The following LRRC9 variants were observed in gnomAD, a reference collection of about 807,000 sequenced individuals.
The protein encoded by LRRC9 is leucine rich repeat containing 9.
In LRRC9, 122 loss-of-function variants were observed where a neutral mutation model predicts 63.2. The ratio of observed to expected loss-of-function variants is 1.93; its 90% CI spans 1.67 to 2.24. The LOEUF (loss-of-function observed/expected upper bound fraction) is 2.24. LRRC9 is among the 30% of genes most tolerant of loss of function. The pLI is 0.00. For synonymous variants in LRRC9, 366 were observed against 213.1 expected (o/e 1.72, Z -6.25); for missense variants, 1,071 against 627.7 (o/e 1.71, Z -7.55).
intron 17 of LRRC9, among the ~76,000 whole-genome samples, chr14:59,988,961 T>C (rs745393142): frequency 3.9e-5 from 6 of 152,152 alleles, no homozygotes; most frequent in Admixed American, 2.0e-4. Context: ...GCATCTTAAA[T>C]GTTACTTCAT....
rs1021076722 is a variant in LRRC9 at position 59,923,168 on chromosome 14, G to C, written c.-34+3285G>C. 2.0e-5 allele frequency among the ~76,000 whole-genome samples: 3 copies of C among 152,154 alleles called. No homozygotes were observed. The highest frequency in any genetic ancestry group is 2.0e-4 in the Admixed American group (3 of 15,278). On this transcript the variant is annotated intron_variant, in intron 1 of 31. Coordinates refer to ENST00000445360, the Ensembl canonical transcript of LRRC9. This position sits in a 1 kb window ranked among gnomAD's most constrained non-coding sequence, Gnocchi z 4.2. ...ACCCTTGAGTCCATTTGTGACTGGAGAAAACATACAAGACTTGTAAGTACC... is the reference window on the plus strand; with the variant it reads ...ACCCTTGAGTCCATTTGTGACTGGACAAAACATACAAGACTTGTAAGTACC...
At chr14:60,057,384 T>C (rs1189738728) in intron 30 of LRRC9, among the ~76,000 whole-genome samples, 1 of 152,136 alleles carries the variant, frequency 6.6e-6, no homozygotes. Flanking sequence ...TATTATAAGA[T>C]GCTTTTCTTA....
At position 60,050,332 on chromosome 14, in the gene LRRC9, G is replaced by A. The variant is rs545353735; in HGVS notation, c.3991-2733G>A. Among the ~76,000 whole-genome samples, 24 of 152,246 alleles carry A rather than the reference G, an allele frequency of 1.6e-4. 1 individual carries two copies. In the South Asian group the frequency reaches 4.8e-3, roughly 30 times the overall value. ...CAGAAAGATAGCCTTCAACCTCTGA[G>A]ATCCTTTCACTGCCTGGTCTATTCT... On this transcript the variant is annotated intron_variant, in intron 29 of 31. Transcript: ENST00000445360.
chr14:60,050,794 G>A (rs1893830062), intron 29 of LRRC9, among the ~76,000 whole-genome samples: 1 of 152,048 alleles, frequency 6.6e-6, no homozygotes, highest in Non-Finnish European at 1.5e-5. Context: ...CTGTTTGTTT[G>A]TTCTTAACAA....
intron 30 of LRRC9, 187 bp from the exon 31 acceptor site, chr14:60,057,691 G>T: frequency 2.5e-6 from 1 of 394,960 alleles, no homozygotes; most frequent in East Asian, 3.6e-5. Context: ...TCTGAGGGAG[G>T]TTAACTCCCC....
At chr14:59,974,586 A>G (rs1057169931) in exon 13 of LRRC9, 9 of 647,600 alleles carry the variant, frequency 1.4e-5, no homozygotes, top group South Asian at 1.0e-4. Context: ...CTGCCTCTCA[A>G]AAAAGAAGCC....
At chr14:60,054,498 G>C (rs1483477422) in intron 30 of LRRC9, among the ~76,000 whole-genome samples, 2 of 151,946 alleles carry the variant, frequency 1.3e-5, no homozygotes, top group African/African-American at 2.4e-5. Context: ...AAACATGTAA[G>C]GAAATTATTT....
intron 23 of LRRC9, among the ~76,000 whole-genome samples, chr14:60,009,056 G>A (rs1335258731): frequency 2.0e-5 from 3 of 152,104 alleles, no homozygotes; most frequent in Non-Finnish European, 4.4e-5. Flanking sequence ...AGTCCTATGA[G>A]ACCAGTACTG....
At chr14:59,987,159 C>A (rs921580039) in intron 17 of LRRC9, among the ~76,000 whole-genome samples, 2 of 151,950 alleles carry the variant, frequency 1.3e-5, no homozygotes, top group Non-Finnish European at 2.9e-5. Context: ...TTCTATGTGC[C>A]CCATGCCTTC....
At chr14:60,055,731 T>TAAAA (rs755671026) in intron 30 of LRRC9, among the ~76,000 whole-genome samples, 1 of 119,572 alleles carries the variant, frequency 8.4e-6, no homozygotes. Context: ...TGTCTCTATT[T>TAAAA]AAAAAAAAAA....
In LRRC9 at chr14:60,053,535, G is replaced by A. The variant is rs75543667; in HGVS notation, c.4131+330G>A. ...TATGTCAGATGATGCTAGAACATAG[G>A]AAACTATAACATATCACTTTCATAA... On this transcript the variant is annotated intron_variant, in intron 30 of 31. Coordinates refer to ENST00000445360, the Ensembl canonical transcript of LRRC9. The surrounding 1 kb of genome is among the most constrained non-coding windows in gnomAD (Gnocchi z 4.8). Among the ~76,000 whole-genome samples, 515 of 152,146 alleles carry A rather than the reference G, an allele frequency of 3.4e-3. 18 individuals carry two copies. In the East Asian group the frequency reaches 0.058, roughly 17 times the overall value.
intron 23 of LRRC9, among the ~76,000 whole-genome samples, chr14:60,015,639 C>A (rs945319641): frequency 6.6e-6 from 1 of 152,200 alleles, no homozygotes; most frequent in African/African-American, 2.4e-5. Context: ...GAACCCTTCA[C>A]TGATTCATCC....
rs113694457 is a variant in LRRC9, at chr14:59,971,374, G to A, written c.1507-3202G>A. ...GAAGTTGGATAGTTTGATGCCTCCA[G>A]CATTATTCTTTTCGCATAGGATTGG... On this transcript the variant is annotated intron_variant, in intron 12 of 31. Transcript: ENST00000445360. Among the ~76,000 whole-genome samples the A allele has an allele frequency of 3.0e-3, 464 of 152,202 alleles. 2 individuals are homozygous for A. The highest frequency in any genetic ancestry group is 0.011 in the African/African-American group (443 of 41,530).
chr14:59,958,403 C>T lies in LRRC9; in HGVS notation c.883-1415C>T, dbSNP rs998597418. ...AGCTGCTTTGCCACCGGGCCCAGAC[C>T]TCCCAAACTCCTTAGCACTGTCAGG... On this transcript the variant is annotated intron_variant, in intron 8 of 31. Coordinates refer to ENST00000445360, the Ensembl canonical transcript of LRRC9. The surrounding 1 kb of genome is among the most constrained non-coding windows in gnomAD (Gnocchi z 4.0). Among the ~76,000 whole-genome samples, 1 of 152,196 alleles carries T rather than the reference C, an allele frequency of 6.6e-6. No homozygotes were observed. Among genetic ancestry groups the T allele is most frequent in the Non-Finnish European group, 1.5e-5 (1 of 68,036 alleles).
chr14:60,039,660 CTTT>C (rs1446925474), intron 29 of LRRC9, among the ~76,000 whole-genome samples: 1 of 151,980 alleles, frequency 6.6e-6, no homozygotes, highest in Non-Finnish European at 1.5e-5. Flanking sequence ...CTCTTTTCTT[CTTT>C]ATTAGTCTTG....
chr14:59,966,754 G>T lies in LRRC9; in HGVS notation c.1377G>T (p.Met459Ile), dbSNP rs1338656593. 3.1e-6 allele frequency: 2 copies of T among 654,538 alleles called. No individual in the cohort carries two copies. The highest frequency in any genetic ancestry group is 5.6e-6 in the Non-Finnish European group (2 of 359,516). 40.5% of individuals were successfully genotyped at this position (654,538 alleles called of 1,614,324 possible). The change falls in exon 11 of 32, where the codon ATG becomes ATT. Residue 459 changes from methionine (M) to isoleucine (I), a missense_variant. Met to Ile is a conservative substitution (Grantham distance 10). Coordinates refer to ENST00000445360, the Ensembl canonical transcript of LRRC9. This position sits in a 1 kb window ranked among gnomAD's most constrained non-coding sequence, Gnocchi z 4.0. Reference sequence around the variant, plus strand: ...AAAAGTTTTTGGAGAATGAAGATATGCATGATTCAGAGTAAGAAGCTGAAT... The same window carrying T: ...AAAAGTTTTTGGAGAATGAAGATATTCATGATTCAGAGTAAGAAGCTGAAT...
chr14:60,033,131 T>G (rs1233716152), intron 29 of LRRC9, among the ~76,000 whole-genome samples: 3 of 152,174 alleles, frequency 2.0e-5, no homozygotes, highest in African/African-American at 7.2e-5. Flanking sequence ...TTCCTAATTG[T>G]TTGTTGCTGG....
rs567045383 is a variant in LRRC9 at position 59,976,795 on chromosome 14, T to C, written c.1640-430T>C. Among the ~76,000 whole-genome samples, 10 of 152,344 alleles carry C rather than the reference T, an allele frequency of 6.6e-5. No homozygotes were observed. The South Asian group carries it at 1.9e-3, about 28-fold the overall frequency. On this transcript the variant is annotated intron_variant, in intron 13 of 31. Coordinates refer to ENST00000445360, the Ensembl canonical transcript of LRRC9. ...GGATTTAATGAATCCCAAGGATCCT[T>C]AAGAATCTAAAGGAAAATGAAATGT...
At chr14:60,014,673 G>A (rs1890533414) in intron 23 of LRRC9, among the ~76,000 whole-genome samples, 1 of 151,784 alleles carries the variant, frequency 6.6e-6, no homozygotes, top group Non-Finnish European at 1.5e-5. Flanking sequence ...CTGTTTTCAT[G>A]CCTTTTTTCT....
Sources: gnomAD v4.1 joint callset for allele counts (sites outside exome capture counted in the v4.1 genomes callset) on GRCh38, gnomAD v4.1.1 for gene constraint, Gnocchi (gnomAD v3.1) non-coding constraint, MANE v1.5 for transcripts, NCBI Gene and HGNC (gene_info 2026-07-23, HGNC 2026-07-21) for gene names.